The following EML6 variants were observed in gnomAD, a reference collection of about 807,000 sequenced individuals.
EML6 encodes echinoderm microtubule-associated protein-like 6.
A neutral mutation model predicts 240.1 loss-of-function variants in EML6; 154 were observed. The observed-to-expected ratio is 0.64, with a 90% CI of 0.56 to 0.73. The LOEUF (loss-of-function observed/expected upper bound fraction) is 0.73, where lower values mean the gene tolerates loss of function less well. Ranked by LOEUF, EML6 falls within the 30% of genes least tolerant of loss-of-function variation. The pLI, the probability that EML6 is intolerant of heterozygous loss-of-function variation, is 0.00. For synonymous variants in EML6, 1,148 were observed against 899.0 expected, an observed-to-expected ratio of 1.28 and a Z score of -4.95; for missense variants, 2,964 against 2,474.6, an observed-to-expected ratio of 1.20 and a Z score of -4.20.
intron 2 of EML6, among the ~76,000 whole-genome samples, chr2:54,772,674 A>G (rs769255096): frequency 6.6e-6 from 1 of 152,136 alleles, no homozygotes; most frequent in Non-Finnish European, 1.5e-5. Context: ...TAACATTGTC[A>G]ACAGTAGATG....
rs542568811 is a variant in EML6, at chr2:54,835,822, G to A, written c.847+6345G>A. The stretch of plus-strand genomic sequence containing the variant: ...GGGAAGCTGCTAAAAGTATTACAGT[G>A]GACAGGAGAGCCACCACAACAAAGA... On this transcript the variant is annotated intron_variant, in intron 7 of 41. Coordinates refer to ENST00000356458, the MANE Select transcript of EML6 (RefSeq NM_001039753.4). Among the ~76,000 whole-genome samples the A allele has an allele frequency of 6.6e-5, 10 of 152,202 alleles. No individual in the cohort carries two copies. The South Asian group carries it at 2.1e-3, about 32-fold the overall frequency.
chr2:54,861,608 C>G (rs537840431), intron 12 of EML6, among the ~76,000 whole-genome samples: 7 of 152,086 alleles, frequency 4.6e-5, no homozygotes, highest in African/African-American at 1.7e-4. Context: ...TCTTGCGGTA[C>G]CAACAGGACA....
intron 25 of EML6, 77 bp from the exon 26 acceptor site, chr2:54,916,682 C>A: frequency 1.7e-6 from 2 of 1,182,840 alleles, no homozygotes; most frequent in Non-Finnish European, 1.1e-6. Flanking sequence ...TTTAGAATTA[C>A]TCAGGTGCAA....
At chr2:54,836,151 G>A (rs1399284677) in intron 7 of EML6, among the ~76,000 whole-genome samples, 1 of 152,148 alleles carries the variant, frequency 6.6e-6, no homozygotes, top group East Asian at 1.9e-4. Flanking sequence ...TTTGCAGCCA[G>A]GAGATGTGGT....
intron 17 of EML6, 94 bp from the exon 18 acceptor site, chr2:54,890,960 G>T: frequency 1.8e-6 from 1 of 557,778 alleles, no homozygotes; most frequent in Non-Finnish European, 3.2e-6. Context: ...GGTCCTGTTA[G>T]ATGTGCTTAA....
chr2:54,842,714 C>T (rs1205872768), intron 7 of EML6, among the ~76,000 whole-genome samples: 1 of 152,114 alleles, frequency 6.6e-6, no homozygotes, highest in East Asian at 1.9e-4. Flanking sequence ...AAATAACAAA[C>T]CCAGTAAGGA....
chr2:54,812,380 T>C (rs1667890089), intron 2 of EML6, among the ~76,000 whole-genome samples: 1 of 151,910 alleles, frequency 6.6e-6, no homozygotes, highest in Non-Finnish European at 1.5e-5. Context: ...AAAATTGGAA[T>C]GGGAAAATTT....
intron 28 of EML6, among the ~76,000 whole-genome samples, chr2:54,930,428 A>T (rs960199356): frequency 1.3e-5 from 2 of 152,324 alleles, no homozygotes; most frequent in African/African-American, 4.8e-5. Context: ...TTTTCATTTT[A>T]AAATTCAGAA....
chr2:54,871,422 C>A, intron 15 of EML6, 78 bp from the exon 16 acceptor site: 1 of 1,050,044 alleles, frequency 9.5e-7, no homozygotes, highest in Non-Finnish European at 1.4e-6. Flanking sequence ...GGTTTCTGAG[C>A]AGTGTTGGAC....
At chr2:54,863,084 C>A (rs1361303647) in intron 12 of EML6, among the ~76,000 whole-genome samples, 1 of 152,140 alleles carries the variant, frequency 6.6e-6, no homozygotes, top group African/African-American at 2.4e-5. Flanking sequence ...CAGGCATGAG[C>A]AGGTGATAAA....
chr2:54,880,724 T>C (rs1163323637), intron 17 of EML6: 2 of 152,212 alleles, frequency 1.3e-5, no homozygotes, highest in Non-Finnish European at 2.9e-5. Context: ...CTTCTAGTAG[T>C]ACTCAGATTC....
intron 2 of EML6, among the ~76,000 whole-genome samples, chr2:54,806,275 A>C (rs1352993403): frequency 2.6e-5 from 4 of 152,172 alleles, no homozygotes; most frequent in Admixed American, 6.5e-5. Context: ...ATTCAAGGAG[A>C]GTTCACCATA....
At chr2:54,804,309 C>G (rs868038197) in intron 2 of EML6, among the ~76,000 whole-genome samples, 1 of 152,234 alleles carries the variant, frequency 6.6e-6, no homozygotes, top group Non-Finnish European at 1.5e-5. Flanking sequence ...TTGAGTCATA[C>G]TCCTTGCTTA....
chr2:54,967,895 C>G (rs550238323), intron 39 of EML6, among the ~76,000 whole-genome samples: 3 of 152,196 alleles, frequency 2.0e-5, no homozygotes, highest in Non-Finnish European at 2.9e-5. Flanking sequence ...AATGCTGCGG[C>G]AGATCTGACA....
intron 28 of EML6, among the ~76,000 whole-genome samples, chr2:54,932,314 A>C (rs138681247): frequency 4.6e-5 from 7 of 152,312 alleles, no homozygotes; most frequent in African/African-American, 1.7e-4. Flanking sequence ...CTTGCTGCTC[A>C]GCTGCCACGT....
intron 2 of EML6, among the ~76,000 whole-genome samples, chr2:54,757,491 G>A (rs1396097973): frequency 2.0e-5 from 3 of 146,748 alleles, no homozygotes; most frequent in Admixed American, 6.8e-5. Flanking sequence ...GGGGTATGCA[G>A]TATACCTGGT....
intron 26 of EML6, among the ~76,000 whole-genome samples, chr2:54,920,921 CAG>C (rs1324741553): frequency 1.3e-5 from 2 of 151,988 alleles, no homozygotes; most frequent in African/African-American, 4.8e-5. Context: ...TTGATTATCT[CAG>C]TGGATGTGAG....
At chr2:54,849,877 C>A (rs768540491) in intron 9 of EML6, 85 bp from the exon 10 acceptor site, 2 of 1,117,318 alleles carry the variant, frequency 1.8e-6, no homozygotes, top group East Asian at 2.6e-5. Flanking sequence ...TTTCAACACA[C>A]TTCTTTTTCT....
chr2:54,751,078 G>A (rs565329383), intron 2 of EML6, among the ~76,000 whole-genome samples: 2 of 152,308 alleles, frequency 1.3e-5, no homozygotes, highest in South Asian at 2.1e-4. Context: ...GAACAGATGA[G>A]TCCAGGAAAC....
Sources: gnomAD v4.1 joint callset for allele counts (sites outside exome capture counted in the v4.1 genomes callset) on GRCh38, gnomAD v4.1.1 for gene constraint, MANE v1.5 for transcripts, NCBI Gene and HGNC (gene_info 2026-07-23, HGNC 2026-07-21) for gene names.